Variants in CSDE1 observed in about 807,000 individuals in gnomAD.
CSDE1 encodes cold shock domain containing E1.
In CSDE1, 17 loss-of-function variants were observed where a neutral mutation model predicts 89.3. The ratio of observed to expected loss-of-function variants is 0.19; its 90% CI spans 0.13 to 0.29. The LOEUF (loss-of-function observed/expected upper bound fraction) is 0.29, where lower values mean the gene tolerates loss of function less well. Ranked by LOEUF, CSDE1 falls within the 10% of genes least tolerant of loss-of-function variation. CSDE1 has a pLI of 1.00. For synonymous variants in CSDE1, 322 were observed against 332.8 expected (o/e 0.97, Z 0.35); for missense variants, 672 against 984.2 (o/e 0.68, Z 4.24).
In CSDE1 at chr1:114,740,684, T is replaced by G. The variant is rs141170610; in HGVS notation, c.1-794A>C. ...TAAAAGCAATATAATGGAATCTGCC[T>G]AGGTCATAAAATACTATCACATTGG... On this transcript the variant is annotated intron_variant, in intron 2 of 19. Transcript: ENST00000358528. Among the ~76,000 whole-genome samples the G allele has an allele frequency of 7.6e-3, 1,164 of 152,322 alleles. 19 individuals carry two copies. The highest frequency in any genetic ancestry group is 0.048 in the South Asian group (233 of 4,824).
At chr1:114,737,390 T>A in intron 5 of CSDE1, 81 bp downstream of exon 5, 1 of 1,149,652 alleles carries the variant, frequency 8.7e-7, no homozygotes, top group South Asian at 1.4e-5. Flanking sequence ...GCAGCTTACG[T>A]TTTCTATTTT....
rs66566286 is a variant in CSDE1, at chr1:114,729,514, CAA to C, written c.1356+742_1356+743del. On this transcript the variant is annotated intron_variant, in intron 12 of 19. Coordinates refer to ENST00000358528, the MANE Select transcript of CSDE1 (RefSeq NM_001007553.3). ...ACCAACAAAAACCCACACACAAAAC[CAA>C]AAAAAAAAAAAAAAAAATTCCTGTC... Among the ~76,000 whole-genome samples, 763 of 127,176 alleles carry C rather than the reference CAA, an allele frequency of 6.0e-3. 6 individuals are homozygous for C. Among genetic ancestry groups the C allele is most frequent in the African/African-American group, 9.2e-3 (312 of 34,066 alleles). 83.4% of individuals were successfully genotyped at this position (127,176 alleles called of 152,430 possible).
chr1:114,723,180 G>A (rs1659618573), intron 16 of CSDE1, among the ~76,000 whole-genome samples: 1 of 152,088 alleles, frequency 6.6e-6, no homozygotes, highest in Admixed American at 6.6e-5. Flanking sequence ...TCTTTGGTTG[G>A]AATACTCAAG....
intron 10 of CSDE1, among the ~76,000 whole-genome samples, chr1:114,731,396 A>G (rs531197427): frequency 1.3e-5 from 2 of 152,182 alleles, no homozygotes; most frequent in Admixed American, 1.3e-4. Flanking sequence ...AATGTAAAAA[A>G]AAAAAAAAAA....
At chr1:114,721,299 A>G (rs866816369) in intron 16 of CSDE1, among the ~76,000 whole-genome samples, 1 of 152,154 alleles carries the variant, frequency 6.6e-6, no homozygotes, top group Middle Eastern at 3.4e-3. Context: ...TGTCTAACCA[A>G]CTCTGCTGTT....
chr1:114,726,808 G>T lies in CSDE1; in HGVS notation c.1464+175C>A, dbSNP rs1264043346. Among the ~76,000 whole-genome samples the T allele has an allele frequency of 3.9e-5, 6 of 152,262 alleles. No homozygotes were observed. In the East Asian group the frequency reaches 1.2e-3, roughly 29 times the overall value. ...GATTAACAAGGCTTTGATTAACAAA[G>T]AGCTTGACAGACACTTTTAATAAGC... On this transcript the variant is annotated intron_variant, in intron 13 of 19. Transcript: ENST00000358528.
intron 1 of CSDE1, among the ~76,000 whole-genome samples, chr1:114,757,081 A>C (rs2101105697): frequency 6.6e-6 from 1 of 152,288 alleles, no homozygotes; most frequent in African/African-American, 2.4e-5. Context: ...GGAGGACACT[A>C]CTGAGCTTTC....
intron 19 of CSDE1, 54 bp downstream of exon 19, chr1:114,718,559 T>C (rs1364260107): frequency 6.3e-7 from 1 of 1,581,048 alleles, no homozygotes; most frequent in South Asian, 1.2e-5. Flanking sequence ...TAGGACCACA[T>C]ATTTTATGTT....
chr1:114,752,973 C>T (rs2101092965), intron 1 of CSDE1, among the ~76,000 whole-genome samples: 1 of 152,266 alleles, frequency 6.6e-6, no homozygotes, highest in Non-Finnish European at 1.5e-5. Flanking sequence ...GGTAGTTAAT[C>T]CTTAATAAGC....
intron 18 of CSDE1, 104 bp downstream of exon 18, chr1:114,719,475 A>T: frequency 8.9e-7 from 1 of 1,118,534 alleles, no homozygotes; most frequent in Non-Finnish European, 1.3e-6. Context: ...AGAAATAATA[A>T]GTGGCAGAAG....
In CSDE1 at chr1:114,728,604, A is replaced by C. The variant is rs746387001; in HGVS notation, c.1357-1514T>G. Reference sequence around the variant, plus strand: ...CTTCATCAAGCCAGTTTTGCCAGACACATTTGGGAAGCAGAGCATTCCAAG... The same window carrying C: ...CTTCATCAAGCCAGTTTTGCCAGACCCATTTGGGAAGCAGAGCATTCCAAG... On this transcript the variant is annotated intron_variant, in intron 12 of 19. Coordinates refer to ENST00000358528, the MANE Select transcript of CSDE1 (RefSeq NM_001007553.3). 7.8e-4 allele frequency among the ~76,000 whole-genome samples: 119 copies of C among 152,198 alleles called. 1 individual carries two copies. The highest frequency in any genetic ancestry group is 1.0e-4 in the Non-Finnish European group (7 of 68,022).
Position 114,736,792 on chromosome 1 carries a change from C to G in CSDE1, c.466G>C (p.Asp156His). 6.2e-7 allele frequency: 1 copy of G among 1,612,752 alleles called. No homozygotes were observed. The highest frequency in any genetic ancestry group is 1.1e-5 in the South Asian group (1 of 90,902). Residue 156 changes from aspartate (D) to histidine (H), a missense_variant, in exon 6 of 20, where the codon GAT becomes CAT. Asp to His is a moderately conservative substitution (Grantham distance 81, BLOSUM62 -1). Transcript: ENST00000358528. ...VEGNVQLETG[D>H]KINFVIDNNK... ...TTATCAATTACAAAGTTTATTTTAT[C>G]TCCAGTTTCCAGCTGAACGTTCCCT...
chr1:114,729,684 C>T (rs1054295443), intron 12 of CSDE1, among the ~76,000 whole-genome samples: 3 of 152,244 alleles, frequency 2.0e-5, no homozygotes, highest in East Asian at 1.9e-4. Flanking sequence ...AGAGCACTAT[C>T]GCTGACCTTC....
At chr1:114,729,344 C>T (rs561210491) in intron 12 of CSDE1, among the ~76,000 whole-genome samples, 1 of 152,004 alleles carries the variant, frequency 6.6e-6, no homozygotes, top group Admixed American at 6.5e-5. Flanking sequence ...CGTGATCCGC[C>T]CGCCTCAGCC....
chr1:114,739,956 T>C (rs1660630180), intron 2 of CSDE1, 66 bp from the exon 3 acceptor site: 1 of 1,338,224 alleles, frequency 7.5e-7, no homozygotes, highest in Non-Finnish European at 1.0e-6. Flanking sequence ...TTAAGTCTGG[T>C]TAATAAGTCA....
At chr1:114,729,212 C>T (rs993099738) in intron 12 of CSDE1, among the ~76,000 whole-genome samples, 2 of 152,068 alleles carry the variant, frequency 1.3e-5, no homozygotes, top group Non-Finnish European at 2.9e-5. Context: ...CATTCTCCTG[C>T]CTCAGCCTCC....
At chr1:114,722,684 G>A (rs913954692) in intron 16 of CSDE1, among the ~76,000 whole-genome samples, 6 of 152,160 alleles carry the variant, frequency 3.9e-5, no homozygotes, top group African/African-American at 1.4e-4. Flanking sequence ...AAGTGGGGAT[G>A]GAAAAGGAAG....
intron 2 of CSDE1, among the ~76,000 whole-genome samples, chr1:114,749,504 A>G (rs1661190950): frequency 6.6e-6 from 1 of 152,236 alleles, no homozygotes; most frequent in Non-Finnish European, 1.5e-5. Context: ...AAAGTTTCAC[A>G]GACCCTCATA....
In CSDE1 at chr1:114,726,879, T is replaced by C. The variant is rs954198549; in HGVS notation, c.1464+104A>G. The C allele has an allele frequency of 7.2e-6, 5 of 699,180 alleles. No homozygotes were observed. The African/African-American group carries it at 7.2e-5, about 10-fold the overall frequency. 43.3% of individuals were successfully genotyped at this position (699,180 alleles called of 1,614,324 possible). ...TCATGTATTTCTCTTAAACACAAAA[T>C]ATATTTCAGCAAAACTTGATAAAAT... On this transcript the variant is annotated intron_variant, in intron 13 of 19. Coordinates refer to ENST00000358528, the MANE Select transcript of CSDE1 (RefSeq NM_001007553.3).
Sources: gnomAD v4.1 joint callset for allele counts (sites outside exome capture counted in the v4.1 genomes callset) on GRCh38, gnomAD v4.1.1 for gene constraint, MANE v1.5 for transcripts, NCBI Gene and HGNC (gene_info 2026-07-23, HGNC 2026-07-21) for gene names.